SRGAP2C: variants seen among roughly 807,000 people sequenced by gnomAD.
SRGAP2C encodes the protein SLIT-ROBO Rho GTPase-activating protein 2C.
SRGAP2C carries 15 observed loss-of-function variants against 25.1 expected under a neutral mutation model. The ratio of observed to expected loss-of-function variants is 0.60; its 90% confidence interval spans 0.40 to 0.92. The LOEUF (loss-of-function observed/expected upper bound fraction) is 0.92, where lower values mean the gene tolerates loss of function less well. SRGAP2C is among the 40% of genes least tolerant of loss of function. The pLI is 0.00. For synonymous variants in SRGAP2C, 44 were observed against 96.6 expected (o/e 0.46, Z 3.19); for missense variants, 144 against 264.4 (o/e 0.54, Z 3.16).
intron 2 of SRGAP2C, among the ~76,000 whole-genome samples, chr1:121,249,580 ATTTTTTT>A (rs1159053572): frequency 0.089 from 1,984 of 22,240 alleles, 92 homozygotes; most frequent in Non-Finnish European, 0.11. Context: ...ATATATATAT[ATTTTTTT>A]TTTTTTTTTT....
chr1:121,202,347 T>C (rs1553321819), intron 2 of SRGAP2C, among the ~76,000 whole-genome samples: 1 of 152,082 alleles, frequency 6.6e-6, no homozygotes, highest in African/African-American at 2.4e-5. Context: ...CTTCCTCCAG[T>C]GTTGGGACAC....
intron 2 of SRGAP2C, among the ~76,000 whole-genome samples, chr1:121,188,116 C>T (rs1246598772): frequency 6.6e-6 from 1 of 152,188 alleles, no homozygotes; most frequent in Non-Finnish European, 1.5e-5. Flanking sequence ...TAAGGCCACC[C>T]ACACCCGGTC....
At chr1:121,213,971 A>G (rs1354023888) in intron 2 of SRGAP2C, among the ~76,000 whole-genome samples, 4 of 144,732 alleles carry the variant, frequency 2.8e-5, no homozygotes, top group Non-Finnish European at 5.9e-5. Flanking sequence ...CTGATCTTAA[A>G]TATCTTGTGA....
chr1:121,258,466 T>C (rs1283043928), intron 2 of SRGAP2C, among the ~76,000 whole-genome samples: 1 of 121,230 alleles, frequency 8.2e-6, no homozygotes, highest in Non-Finnish European at 1.6e-5. Flanking sequence ...TCTATCACTC[T>C]TTTTTTTTTT....
rs1419383150 is a variant in SRGAP2C, at chr1:121,391,143, G to C, written c.*3288G>C. 4.6e-5 allele frequency: 7 copies of C among 152,150 alleles called. No homozygotes were observed. Among genetic ancestry groups the C allele is most frequent in the African/African-American group, 1.7e-4 (7 of 41,506 alleles). 9.4% of individuals were successfully genotyped at this position (152,150 alleles called of 1,614,324 possible). ...GGAGGCCGAGGCGGGTGGATCACCT[G>C]AGGTCGGGAGTTTGAGACCAGCCTG... On this transcript the variant is annotated 3_prime_UTR_variant, in exon 10 of 10. Transcript: ENST00000367123.
intron 4 of SRGAP2C, among the ~76,000 whole-genome samples, chr1:121,363,854 TAAC>T (rs1558129149): frequency 6.6e-6 from 1 of 150,388 alleles, no homozygotes; most frequent in Non-Finnish European, 1.5e-5. Context: ...GAAAAATACA[TAAC>T]AACACTTAGA....
chr1:121,347,788 A>T (rs4844427), intron 4 of SRGAP2C, among the ~76,000 whole-genome samples: 88,862 of 151,036 alleles, frequency 0.59, 26,374 homozygotes, highest in East Asian at 0.79. Context: ...TGTTCTCGTT[A>T]AATATGGCCG....
chr1:121,332,480 A>T lies in SRGAP2C; in HGVS notation c.423+7840A>T, dbSNP rs1658452990. Among the ~76,000 whole-genome samples, 4 of 151,228 alleles carry T rather than the reference A, an allele frequency of 2.6e-5. 1 individual carries two copies. In the South Asian group the frequency reaches 8.4e-4, roughly 32 times the overall value. ...GTGAATCTGGCTTCCTTCACACTGC[A>T]GGAAGTGGGGAATGCAAGAAGAGTG... On this transcript the variant is annotated intron_variant, in intron 4 of 9. Transcript: ENST00000367123.
rs587654821 is a variant in SRGAP2C, at chr1:121,206,523, G to A, written c.67+19010G>A. ...TGAAGTGTGATGAAGTCATTTCAGA[G>A]GGACTCCCTGGTTGCTCTGAGTTGC... On this transcript the variant is annotated intron_variant, in intron 2 of 9. Transcript: ENST00000367123. Among the ~76,000 whole-genome samples, 1,432 of 151,912 alleles carry A rather than the reference G, an allele frequency of 9.4e-3. 23 individuals are homozygous for A. The highest frequency in any genetic ancestry group is 0.032 in the African/African-American group (1,332 of 41,384).
chr1:121,335,788 A>G (rs1310825893), intron 4 of SRGAP2C, among the ~76,000 whole-genome samples: 1 of 150,282 alleles, frequency 6.7e-6, no homozygotes, highest in Non-Finnish European at 1.5e-5. Context: ...TAACATTGAC[A>G]TTATCTGTGG....
chr1:121,294,522 A>G (rs1282312118), intron 3 of SRGAP2C, among the ~76,000 whole-genome samples: 2 of 128,116 alleles, frequency 1.6e-5, no homozygotes, highest in African/African-American at 2.9e-5. Context: ...TGAGCCTTTG[A>G]TTGTCTCTTT....
intron 2 of SRGAP2C, among the ~76,000 whole-genome samples, chr1:121,212,123 A>AT (rs60785126): frequency 0.029 from 1,825 of 62,024 alleles, 21 homozygotes; most frequent in Non-Finnish European, 0.034. Flanking sequence ...ATGGAGCTGT[A>AT]TTTTTTTTTT....
chr1:121,350,388 A>G (rs1358897620), intron 4 of SRGAP2C, among the ~76,000 whole-genome samples: 1 of 135,590 alleles, frequency 7.4e-6, no homozygotes, highest in Admixed American at 7.6e-5. Flanking sequence ...ATCTCTCATC[A>G]TTTTTCATTA....
chr1:121,238,628 T>C (rs1656015787), intron 2 of SRGAP2C, among the ~76,000 whole-genome samples: 1 of 151,904 alleles, frequency 6.6e-6, no homozygotes, highest in African/African-American at 2.4e-5. Flanking sequence ...TTTTTTTCTT[T>C]TATGAGACAG....
intron 4 of SRGAP2C, among the ~76,000 whole-genome samples, chr1:121,357,290 G>T (rs1254315470): frequency 7.2e-6 from 1 of 139,022 alleles, no homozygotes; most frequent in Non-Finnish European, 1.5e-5. Context: ...CTTGATGGGT[G>T]GTTTTGGTAT....
chr1:121,322,929 G>T (rs1570782657), intron 3 of SRGAP2C, among the ~76,000 whole-genome samples: 2 of 152,166 alleles, frequency 1.3e-5, no homozygotes, highest in Admixed American at 1.3e-4. Flanking sequence ...GGGAAGAGAG[G>T]AAAGGGGGAA....
intron 2 of SRGAP2C, among the ~76,000 whole-genome samples, chr1:121,228,829 C>T (rs1324062274): frequency 1.3e-4 from 20 of 151,156 alleles, no homozygotes; most frequent in African/African-American, 4.4e-4. Flanking sequence ...TGGCCCCAAA[C>T]CCTGAGTTTG....
intron 3 of SRGAP2C, among the ~76,000 whole-genome samples, chr1:121,307,940 C>G (rs1338432914): frequency 1.9e-4 from 29 of 149,706 alleles, no homozygotes; most frequent in Non-Finnish European, 4.0e-4. Context: ...TTCAAAACTG[C>G]TTTTCCTATT....
At chr1:121,202,235 G>A (rs1448013859) in intron 2 of SRGAP2C, among the ~76,000 whole-genome samples, 1 of 151,958 alleles carries the variant, frequency 6.6e-6, no homozygotes, top group African/African-American at 2.4e-5. Context: ...GCTTCATTTG[G>A]GTTCTCAGCA....
Sources: gnomAD v4.1 joint callset for allele counts (sites outside exome capture counted in the v4.1 genomes callset) on GRCh38, gnomAD v4.1.1 for gene constraint, MANE v1.5 for transcripts, NCBI Gene and HGNC (gene_info 2026-07-23, HGNC 2026-07-21) for gene names.